SH3BP5: variants seen among roughly 807,000 people sequenced by gnomAD.
SH3BP5 encodes SH3 domain binding protein 5.
In SH3BP5, 22 loss-of-function variants were observed where a neutral mutation model predicts 43.3. The ratio of observed to expected loss-of-function variants is 0.51; its 90% confidence interval spans 0.36 to 0.73. SH3BP5 has a LOEUF of 0.73. Ranked by LOEUF, SH3BP5 falls within the 30% of genes least tolerant of loss-of-function variation. The pLI is 0.00. For synonymous variants in SH3BP5, 255 were observed against 225.8 expected, an observed-to-expected ratio of 1.13 and a Z score of -1.16; for missense variants, 529 against 586.9, an observed-to-expected ratio of 0.90 and a Z score of 1.02.
At chr3:15,293,787 C>T (rs948696135) in intron 3 of SH3BP5, among the ~76,000 whole-genome samples, 1 of 151,984 alleles carries the variant, frequency 6.6e-6, no homozygotes, top group African/African-American at 2.4e-5. Flanking sequence ...AAAATAATAT[C>T]GTCTTGCAGG....
rs528125047 is a variant in SH3BP5, at chr3:15,302,875, C to T, written c.330+1228G>A. Among the ~76,000 whole-genome samples, 266 of 151,684 alleles carry T rather than the reference C, an allele frequency of 1.8e-3. 4 individuals carry two copies. The highest frequency in any genetic ancestry group is 6.4e-3 in the African/African-American group (262 of 41,218). ...CCAGGCTGGAGTGCAGTGGCACGAT[C>T]TCGGCTCACTGCAACCTCCACCTCC... On this transcript the variant is annotated intron_variant, in intron 3 of 8. Coordinates refer to ENST00000383791, the MANE Select transcript of SH3BP5 (RefSeq NM_004844.5).
intron 2 of SH3BP5, among the ~76,000 whole-genome samples, chr3:15,310,321 A>C (rs1316608375): frequency 1.3e-5 from 2 of 152,234 alleles, no homozygotes; most frequent in Non-Finnish European, 2.9e-5. Context: ...AGCCATGTGT[A>C]TAAGGAGCAG....
intron 3 of SH3BP5, among the ~76,000 whole-genome samples, chr3:15,292,390 G>A (rs964141422): frequency 1.3e-5 from 2 of 152,180 alleles, no homozygotes; most frequent in African/African-American, 4.8e-5. Context: ...AAGAAAAAGG[G>A]AGTTGCCCAT....
chr3:15,333,972 C>T (rs1698669635), upstream of SH3BP5, among the ~76,000 whole-genome samples: 1 of 152,244 alleles, frequency 6.6e-6, no homozygotes, highest in African/African-American at 2.4e-5. Flanking sequence ...CCAACCTTCT[C>T]TGGTGGCTTG....
intron 1 of SH3BP5, chr3:15,331,682 T>C (rs1263751129): frequency 6.6e-6 from 1 of 152,314 alleles, no homozygotes; most frequent in Non-Finnish European, 1.5e-5. Flanking sequence ...AGCAGGGTTT[T>C]AAGCAATTTC....
At chr3:15,310,847 G>A (rs887177636) in intron 2 of SH3BP5, among the ~76,000 whole-genome samples, 1 of 152,150 alleles carries the variant, frequency 6.6e-6, no homozygotes, top group Admixed American at 6.5e-5. Context: ...CTGTTTGACT[G>A]TGTCAGTGTG....
intron 3 of SH3BP5, among the ~76,000 whole-genome samples, chr3:15,284,921 C>T (rs1697224340): frequency 6.6e-6 from 1 of 152,156 alleles, no homozygotes; most frequent in Non-Finnish European, 1.5e-5. Context: ...GGTGAGTGCC[C>T]CAGACCCAGG....
intron 2 of SH3BP5, among the ~76,000 whole-genome samples, chr3:15,311,243 G>C (rs1476462790): frequency 6.6e-6 from 1 of 152,136 alleles, no homozygotes; most frequent in Admixed American, 6.5e-5. Context: ...AACAGGCTCA[G>C]CCAGAATTTC....
chr3:15,317,251 G>C (rs965449280), intron 2 of SH3BP5, among the ~76,000 whole-genome samples: 8 of 152,218 alleles, frequency 5.3e-5, no homozygotes. Context: ...GATATGGCGA[G>C]TTCATGGCCC....
rs1019391396 is a variant in SH3BP5, at chr3:15,269,698, G to A, written c.495+15C>T. ...ACGCGCACACCCCCACAGCACACCC[G>A]GCCATGACTCATACCCTCTGAGTGG... On this transcript the variant is annotated intron_variant, in intron 4 of 8. Coordinates refer to ENST00000383791, the MANE Select transcript of SH3BP5 (RefSeq NM_004844.5). 2.2e-5 allele frequency: 34 copies of A among 1,559,372 alleles called. No homozygotes were observed. The highest frequency in any genetic ancestry group is 3.4e-4 in the Middle Eastern group (2 of 5,810).
chr3:15,259,151 T>A (rs1696335949), intron 6 of SH3BP5, 101 bp from the exon 7 acceptor site: 1 of 937,836 alleles, frequency 1.1e-6, no homozygotes, highest in Non-Finnish European at 1.6e-6. Context: ...TCATTCTACT[T>A]CAAGGAATTT....
rs62242099 is a variant in SH3BP5 at position 15,300,061 on chromosome 3, C to T, written c.330+4042G>A. Among the ~76,000 whole-genome samples, 529 of 152,214 alleles carry T rather than the reference C, an allele frequency of 3.5e-3. 1 individual carries two copies. Among genetic ancestry groups the T allele is most frequent in the Non-Finnish European group, 5.1e-3 (345 of 68,006 alleles). On this transcript the variant is annotated intron_variant, in intron 3 of 8. Coordinates refer to ENST00000383791, the MANE Select transcript of SH3BP5 (RefSeq NM_004844.5). ...GTTATTTCCTACAAATAAGGACCTT[C>T]TCTCACATAATAATAATGTAACCAT...
intron 3 of SH3BP5, among the ~76,000 whole-genome samples, chr3:15,296,120 C>T (rs1232854489): frequency 6.6e-6 from 1 of 152,130 alleles, no homozygotes; most frequent in African/African-American, 2.4e-5. Flanking sequence ...GTGTCTGTGG[C>T]AACTTTATAG....
intron 3 of SH3BP5, among the ~76,000 whole-genome samples, chr3:15,294,256 A>T (rs1697497340): frequency 6.7e-6 from 1 of 150,030 alleles, no homozygotes; most frequent in Non-Finnish European, 1.5e-5. Context: ...GAGAACACAG[A>T]CTCTAAGCCC....
intron 3 of SH3BP5, among the ~76,000 whole-genome samples, chr3:15,300,323 C>T (rs1411564620): frequency 3.3e-5 from 5 of 152,164 alleles, no homozygotes; most frequent in African/African-American, 1.2e-4. Flanking sequence ...AGGCCAACCT[C>T]ATGAGATAGC....
chr3:15,310,274 G>C (rs995457994), intron 2 of SH3BP5, among the ~76,000 whole-genome samples: 1 of 152,220 alleles, frequency 6.6e-6, no homozygotes, highest in Non-Finnish European at 1.5e-5. Flanking sequence ...GCAGATAGCA[G>C]CCATCCTGGC....
chr3:15,294,364 A>G (rs1463703544), intron 3 of SH3BP5, among the ~76,000 whole-genome samples: 1 of 151,542 alleles, frequency 6.6e-6, no homozygotes, highest in Admixed American at 6.6e-5. Context: ...CCCCTCATGC[A>G]TGTAAAACAC....
chr3:15,274,836 G>T (rs893182198), intron 3 of SH3BP5, among the ~76,000 whole-genome samples: 2 of 152,290 alleles, frequency 1.3e-5, no homozygotes, highest in Non-Finnish European at 2.9e-5. Flanking sequence ...TTGCAGGTGT[G>T]AGCCGCCACA....
intron 4 of SH3BP5, among the ~76,000 whole-genome samples, chr3:15,266,727 C>T (rs1252992348): frequency 6.6e-6 from 1 of 152,248 alleles, no homozygotes; most frequent in Admixed American, 6.5e-5. Flanking sequence ...AACCCCAGCA[C>T]TAAGCAGAAA....
Sources: gnomAD v4.1 joint callset for allele counts (sites outside exome capture counted in the v4.1 genomes callset) on GRCh38, gnomAD v4.1.1 for gene constraint, MANE v1.5 for transcripts, NCBI Gene and HGNC (gene_info 2026-07-23, HGNC 2026-07-21) for gene names.